The following SND1 variants were observed in gnomAD, a reference collection of about 807,000 sequenced individuals.
SND1 encodes the protein staphylococcal nuclease and tudor domain containing 1.
Under a neutral mutation model 121.7 loss-of-function variants are expected in SND1, and 38 were observed. That is an observed-to-expected ratio of 0.31 (90% confidence interval 0.24 to 0.41). The LOEUF (loss-of-function observed/expected upper bound fraction) is 0.41. Ranked by LOEUF, SND1 falls within the 10% of genes least tolerant of loss-of-function variation. The pLI is 1.00. For synonymous variants in SND1, 401 were observed against 447.4 expected, an observed-to-expected ratio of 0.90 and a Z score of 1.31; for missense variants, 868 against 1,184.6, an observed-to-expected ratio of 0.73 and a Z score of 3.92.
At chr7:128,081,906 T>G (rs747781121) in intron 18 of SND1, 6 of 536,810 alleles carry the variant, frequency 1.1e-5, no homozygotes, top group African/African-American at 1.9e-5. Flanking sequence ...TCAGCCCGTT[T>G]CCCTCTGGGG....
intron 22 of SND1, chr7:128,089,933 T>C (rs1793749761): frequency 4.0e-6 from 2 of 499,686 alleles, no homozygotes; most frequent in Non-Finnish European, 3.6e-6. Context: ...AAAGCTTCCC[T>C]CCCCATGTAC....
At chr7:127,668,870 C>T (rs1404070364) in intron 1 of SND1, among the ~76,000 whole-genome samples, 3 of 152,218 alleles carry the variant, frequency 2.0e-5, no homozygotes, top group Admixed American at 2.0e-4. Context: ...AGTCCCCTGT[C>T]CCACCTTCTC....
intron 11 of SND1, among the ~76,000 whole-genome samples, chr7:127,837,468 T>C (rs930490303): frequency 8.5e-5 from 13 of 152,272 alleles, no homozygotes; most frequent in African/African-American, 3.1e-4. Context: ...AATGTGAACA[T>C]ACACATGTGG....
chr7:127,980,372 G>A (rs370986879), intron 15 of SND1, among the ~76,000 whole-genome samples: 2 of 16,756 alleles, frequency 1.2e-4, no homozygotes, highest in South Asian at 1.2e-3. Flanking sequence ...CGCCCGCCTC[G>A]GCCTCCCAAA....
chr7:127,815,638 G>A (rs1007516575), intron 11 of SND1, among the ~76,000 whole-genome samples: 1 of 152,162 alleles, frequency 6.6e-6, no homozygotes, highest in African/African-American at 2.4e-5. Context: ...GCCAACAATT[G>A]CCAGGATGCA....
chr7:127,754,785 T>A (rs1797164592), intron 10 of SND1, among the ~76,000 whole-genome samples: 2 of 152,224 alleles, frequency 1.3e-5, no homozygotes, highest in Admixed American at 6.5e-5. Context: ...ATTTATGCAG[T>A]CTCAACTGGG....
At chr7:127,762,203 TA>T (rs1797317378) in intron 10 of SND1, among the ~76,000 whole-genome samples, 1 of 152,230 alleles carries the variant, frequency 6.6e-6, no homozygotes, top group Non-Finnish European at 1.5e-5. Context: ...CTCAGATTGA[TA>T]ACTTTATTAG....
At chr7:127,917,449 C>T (rs1800607816) in intron 14 of SND1, among the ~76,000 whole-genome samples, 1 of 152,156 alleles carries the variant, frequency 6.6e-6, no homozygotes, top group South Asian at 2.1e-4. Flanking sequence ...TTACTAGGAA[C>T]AAATTTTTAT....
intron 10 of SND1, among the ~76,000 whole-genome samples, chr7:127,796,437 A>G (rs1246003015): frequency 6.6e-6 from 1 of 152,146 alleles, no homozygotes; most frequent in Non-Finnish European, 1.5e-5. Flanking sequence ...CAGTATTTTG[A>G]TATTTCTAGG....
chr7:127,893,801 A>C lies in SND1; in HGVS notation c.1454+5789A>C, dbSNP rs191086050. On this transcript the variant is annotated intron_variant, in intron 13 of 23. Transcript: ENST00000354725. ...GAGAGGCAAGTGTGAACCTGCCCTCATCTCAGCATCGCCTTGGCTACTTCT... is the reference window on the plus strand; with the variant it reads ...GAGAGGCAAGTGTGAACCTGCCCTCCTCTCAGCATCGCCTTGGCTACTTCT... 1.4e-4 allele frequency among the ~76,000 whole-genome samples: 22 copies of C among 152,212 alleles called. No individual in the cohort carries two copies. In the East Asian group the frequency reaches 4.1e-3, roughly 28 times the overall value.
chr7:127,978,473 A>G (rs1802180032), intron 15 of SND1, among the ~76,000 whole-genome samples: 1 of 152,188 alleles, frequency 6.6e-6, no homozygotes, highest in African/African-American at 2.4e-5. Context: ...GCTTATGGAA[A>G]GTATGCTTTG....
intron 15 of SND1, among the ~76,000 whole-genome samples, chr7:127,957,810 C>T (rs776565351): frequency 6.6e-6 from 1 of 152,182 alleles, no homozygotes; most frequent in Non-Finnish European, 1.5e-5. Context: ...AAGCAATTCC[C>T]CTGCCCCAGC....
chr7:127,809,241 C>T (rs543877343), intron 11 of SND1, among the ~76,000 whole-genome samples: 50 of 152,290 alleles, frequency 3.3e-4, no homozygotes, highest in Non-Finnish European at 4.9e-4. Context: ...GAGAAGCCTC[C>T]TTTATTGGTT....
At chr7:127,659,748 A>G (rs556156675) in intron 1 of SND1, among the ~76,000 whole-genome samples, 10 of 152,304 alleles carry the variant, frequency 6.6e-5, no homozygotes, top group Non-Finnish European at 1.2e-4. Flanking sequence ...AAGTCAGGGG[A>G]CACAAGTTCT....
chr7:127,971,591 T>C (rs1185813912), intron 15 of SND1, among the ~76,000 whole-genome samples: 1 of 152,138 alleles, frequency 6.6e-6, no homozygotes, highest in African/African-American at 2.4e-5. Context: ...ATAATTTCAC[T>C]GGGTTTACAA....
chr7:127,814,753 C>T (rs1798398978), intron 11 of SND1, among the ~76,000 whole-genome samples: 1 of 152,060 alleles, frequency 6.6e-6, no homozygotes, highest in Non-Finnish European at 1.5e-5. Flanking sequence ...TAAAGTTGGG[C>T]TAATTGTTTA....
At chr7:127,863,634 T>A (rs1272278856) in intron 12 of SND1, among the ~76,000 whole-genome samples, 1 of 152,234 alleles carries the variant, frequency 6.6e-6, no homozygotes, top group Non-Finnish European at 1.5e-5. Flanking sequence ...TAATTATTCC[T>A]GTGAGTGTGA....
intron 14 of SND1, among the ~76,000 whole-genome samples, chr7:127,921,606 C>T (rs1190835169): frequency 6.6e-6 from 1 of 152,082 alleles, no homozygotes; most frequent in East Asian, 1.9e-4. Flanking sequence ...GTAAAATGTT[C>T]TCATTTTTAG....
chr7:127,992,885 GT>G (rs1802553150), intron 16 of SND1, among the ~76,000 whole-genome samples: 1 of 152,174 alleles, frequency 6.6e-6, no homozygotes, highest in Non-Finnish European at 1.5e-5. Context: ...ATACCTGACT[GT>G]TGAAAAAGAT....
Sources: gnomAD v4.1 joint callset for allele counts (sites outside exome capture counted in the v4.1 genomes callset) on GRCh38, gnomAD v4.1.1 for gene constraint, MANE v1.5 for transcripts, NCBI Gene and HGNC (gene_info 2026-07-23, HGNC 2026-07-21) for gene names.